RIPOR2: variants seen among roughly 807,000 people sequenced by gnomAD.
RIPOR2 encodes the protein RHO family interacting cell polarization regulator 2.
In RIPOR2, 39 loss-of-function variants were observed where a neutral mutation model predicts 114.5. The observed-to-expected ratio is 0.34, with a 90% CI of 0.26 to 0.44. RIPOR2 has a LOEUF of 0.44. Among genes scored for constraint, RIPOR2 ranks in the 20% least tolerant of loss-of-function variants. The probability of loss-of-function intolerance (pLI) is 1.00; values close to 1 mark genes in which losing one functional copy is unlikely to be tolerated. For missense variants in RIPOR2, 1,007 were observed against 1,255.1 expected (o/e 0.80, Z 2.99); for synonymous variants, 445 against 484.4 (o/e 0.92, Z 1.07).
At chr6:24,899,310 T>C (rs1289906103) in intron 1 of RIPOR2, among the ~76,000 whole-genome samples, 1 of 152,196 alleles carries the variant, frequency 6.6e-6, no homozygotes, top group Non-Finnish European at 1.5e-5. Flanking sequence ...TTGCACTGAT[T>C]TGAAAAATGG....
At chr6:24,910,984 C>A (rs895606115) in intron 1 of RIPOR2, 1 of 984,962 alleles carries the variant, frequency 1.0e-6, no homozygotes, top group Admixed American at 6.2e-5. Flanking sequence ...GTCGGGTGGA[C>A]GCGAGCTGTC....
chr6:24,999,528 C>G (rs1775200251), intron 1 of RIPOR2, among the ~76,000 whole-genome samples: 1 of 150,938 alleles, frequency 6.6e-6, no homozygotes, highest in African/African-American at 2.4e-5. Context: ...TGCAACAAAT[C>G]TCTGTACTTT....
At chr6:24,962,730 T>C (rs993027277) in intron 1 of RIPOR2, among the ~76,000 whole-genome samples, 1 of 152,186 alleles carries the variant, frequency 6.6e-6, no homozygotes, top group African/African-American at 2.4e-5. Flanking sequence ...TGTACACTGA[T>C]ATACATAAAA....
rs377290017 is a variant in RIPOR2, at chr6:25,038,883, C to T, written c.76+2968G>A. On this transcript the variant is annotated intron_variant, in intron 1 of 13. Transcript: ENST00000510784. The stretch of plus-strand genomic sequence containing the variant: ...AATTCTAATTGATTAGACATGGCAG[C>T]TTAAGGCACTATATTAGAAAGGATT... Among the ~76,000 whole-genome samples the T allele has an allele frequency of 3.3e-5, 5 of 152,202 alleles. No individual in the cohort carries two copies. The East Asian group carries it at 7.7e-4, about 23-fold the overall frequency.
chr6:24,952,377 C>T (rs146017598), intron 1 of RIPOR2, among the ~76,000 whole-genome samples: 7 of 152,084 alleles, frequency 4.6e-5, no homozygotes, highest in East Asian at 1.9e-4. Flanking sequence ...ATATAGACTG[C>T]GAGTAGTATG....
At chr6:25,036,987 G>T (rs1331371808) in intron 1 of RIPOR2, among the ~76,000 whole-genome samples, 1 of 152,186 alleles carries the variant, frequency 6.6e-6, no homozygotes, top group Non-Finnish European at 1.5e-5. Context: ...GGGAAAAAAT[G>T]TGGAGGTGGC....
intron 1 of RIPOR2, among the ~76,000 whole-genome samples, chr6:24,968,137 CT>C (rs1773617737): frequency 6.6e-6 from 1 of 152,002 alleles, no homozygotes; most frequent in African/African-American, 2.4e-5. Flanking sequence ...AACTCCTGAC[CT>C]CAGATGATCT....
intron 1 of RIPOR2, among the ~76,000 whole-genome samples, chr6:24,945,015 A>G (rs1425956724): frequency 6.6e-6 from 1 of 152,116 alleles, no homozygotes; most frequent in Non-Finnish European, 1.5e-5. Context: ...GAAGAATTGT[A>G]ATGTTCCCGC....
At chr6:24,807,619 A>T (rs1345662924) in intron 21 of RIPOR2, among the ~76,000 whole-genome samples, 1 of 152,170 alleles carries the variant, frequency 6.6e-6, no homozygotes, top group Non-Finnish European at 1.5e-5. Context: ...AATTGAGTAA[A>T]CTTAAAACTT....
intron 1 of RIPOR2, among the ~76,000 whole-genome samples, chr6:24,914,727 C>T (rs1346703128): frequency 1.3e-5 from 2 of 152,122 alleles, no homozygotes; most frequent in East Asian, 3.9e-4. Context: ...GTTCTTACTG[C>T]CATCGATCAA....
At chr6:24,850,772 C>A (rs775770336) in intron 9 of RIPOR2, 50 bp from the exon 10 acceptor site, 1 of 1,605,848 alleles carries the variant, frequency 6.2e-7, no homozygotes, top group Non-Finnish European at 8.5e-7. Flanking sequence ...CCCCTCTTCT[C>A]CACCAGAACA....
At chr6:24,899,941 A>G (rs1392256164) in intron 1 of RIPOR2, among the ~76,000 whole-genome samples, 4 of 152,248 alleles carry the variant, frequency 2.6e-5, no homozygotes. Flanking sequence ...CTTTGCAGAC[A>G]CACAGCTTAC....
intron 1 of RIPOR2, among the ~76,000 whole-genome samples, chr6:25,034,233 A>G (rs1174055361): frequency 7.1e-6 from 1 of 141,430 alleles, no homozygotes; most frequent in Non-Finnish European, 1.5e-5. Flanking sequence ...TGCGCATATT[A>G]GCTTTGTATT....
intron 8 of RIPOR2, among the ~76,000 whole-genome samples, chr6:24,857,289 G>A (rs989848304): frequency 1.4e-4 from 21 of 152,168 alleles, no homozygotes; most frequent in African/African-American, 2.4e-5. Context: ...GTTCTTGACA[G>A]TTTGTGATTA....
At chr6:24,889,939 T>G (rs1767174820) in intron 1 of RIPOR2, among the ~76,000 whole-genome samples, 2 of 152,158 alleles carry the variant, frequency 1.3e-5, no homozygotes, top group African/African-American at 2.4e-5. Context: ...TTGCCCAAGC[T>G]GGAGTGCAAT....
intron 19 of RIPOR2, among the ~76,000 whole-genome samples, chr6:24,819,231 T>G (rs550164024): frequency 1.3e-5 from 2 of 152,032 alleles, no homozygotes; most frequent in Admixed American, 1.3e-4. Context: ...AAGAAATGTA[T>G]TAGGTCCCAT....
chr6:25,001,438 C>A (rs1378154934), intron 1 of RIPOR2, among the ~76,000 whole-genome samples: 1 of 151,860 alleles, frequency 6.6e-6, no homozygotes, highest in Non-Finnish European at 1.5e-5. Context: ...GCCTGGCCAA[C>A]ATGGTGTAAC....
chr6:24,832,485 C>G lies in RIPOR2; in HGVS notation c.2209-94G>C, dbSNP rs11968340. On this transcript the variant is annotated intron_variant, in intron 15 of 21. Transcript: ENST00000643898. ...ATCCTTCCTGAATGTGGTGATGATA[C>G]TAAATAAACTCATGCGATGTTTTTC... The G allele has an allele frequency of 8.4e-3, 8,997 of 1,074,656 alleles. 246 individuals carry two copies. In the African/African-American group the frequency reaches 0.085, roughly 10 times the overall value. 66.6% of individuals were successfully genotyped at this position (1,074,656 alleles called of 1,614,324 possible).
chr6:24,875,664 C>G, intron 2 of RIPOR2, 27 bp downstream of exon 2: 3 of 1,601,996 alleles, frequency 1.9e-6, no homozygotes, highest in Non-Finnish European at 2.6e-6. Flanking sequence ...CAAGCTGCAT[C>G]CCGGGAGAGA....
Sources: gnomAD v4.1 joint callset for allele counts (sites outside exome capture counted in the v4.1 genomes callset) on GRCh38, gnomAD v4.1.1 for gene constraint, MANE v1.5 for transcripts, NCBI Gene and HGNC (gene_info 2026-07-23, HGNC 2026-07-21) for gene names.